Variants in ATL2 observed in about 807,000 individuals in gnomAD.
ATL2 encodes the protein atlastin GTPase 2.
Under a neutral mutation model 73.9 loss-of-function variants are expected in ATL2, and 31 were observed. The ratio of observed to expected loss-of-function variants is 0.42; its 90% CI spans 0.32 to 0.57. The LOEUF is 0.57. ATL2 is among the 20% of genes least tolerant of loss of function. ATL2 has a pLI of 0.14. For synonymous variants in ATL2, 291 were observed against 237.5 expected, an observed-to-expected ratio of 1.23 and a Z score of -2.07; for missense variants, 738 against 702.6, an observed-to-expected ratio of 1.05 and a Z score of -0.57.
intron 1 of ATL2, among the ~76,000 whole-genome samples, chr2:38,347,199 G>C (rs561138263): frequency 6.6e-6 from 1 of 152,304 alleles, no homozygotes; most frequent in South Asian, 2.1e-4. Context: ...GGCTTCTATA[G>C]TCGTATGCGA....
chr2:38,318,753 C>G, intron 3 of ATL2, 114 bp from the exon 4 acceptor site: 3 of 1,317,026 alleles, frequency 2.3e-6, no homozygotes, highest in African/African-American at 1.5e-5. Context: ...GTACTTATAT[C>G]TCATACATTT....
intron 2 of ATL2, among the ~76,000 whole-genome samples, chr2:38,342,990 GT>G (rs1669810775): frequency 6.9e-6 from 1 of 143,982 alleles, no homozygotes; most frequent in Non-Finnish European, 1.5e-5. Context: ...AAAAAAAAAA[GT>G]TTTTTTAAGA....
chr2:38,317,529 A>C (rs550125045), intron 4 of ATL2, among the ~76,000 whole-genome samples: 1 of 152,296 alleles, frequency 6.6e-6, no homozygotes, highest in South Asian at 2.1e-4. Context: ...TCCTAAATGA[A>C]GGTGCTAAAA....
intron 2 of ATL2, among the ~76,000 whole-genome samples, chr2:38,326,599 G>A (rs1337976736): frequency 6.6e-6 from 1 of 152,142 alleles, no homozygotes; most frequent in East Asian, 1.9e-4. Flanking sequence ...TAGCTGCAAA[G>A]TAACACAAAA....
At chr2:38,313,928 A>T (rs1283309553) in intron 6 of ATL2, among the ~76,000 whole-genome samples, 1 of 152,226 alleles carries the variant, frequency 6.6e-6, no homozygotes, top group Non-Finnish European at 1.5e-5. Flanking sequence ...CAAATAGGGT[A>T]TATTTCACCT....
At position 38,343,964 on chromosome 2, in the gene ATL2, G is replaced by A. The variant is rs536196289; in HGVS notation, c.119-452C>T. 4.6e-5 allele frequency among the ~76,000 whole-genome samples: 7 copies of A among 152,272 alleles called. No individual in the cohort carries two copies. In the South Asian group the frequency reaches 6.2e-4, roughly 14 times the overall value. On this transcript the variant is annotated intron_variant, in intron 1 of 12. Coordinates refer to ENST00000378954, the MANE Select transcript of ATL2 (RefSeq NM_001135673.4). ...ATGATTGTGAGACCTCCCCAGCCACGTGAAACTTTGATTCCATTAAACCTC... is the reference window on the plus strand; with the variant it reads ...ATGATTGTGAGACCTCCCCAGCCACATGAAACTTTGATTCCATTAAACCTC...
chr2:38,350,965 T>C (rs992699058), intron 1 of ATL2, among the ~76,000 whole-genome samples: 3 of 152,196 alleles, frequency 2.0e-5, no homozygotes, highest in African/African-American at 7.2e-5. Context: ...CAAATCTTCA[T>C]TATAATAAAA....
chr2:38,341,306 C>T (rs1003453835), intron 2 of ATL2, among the ~76,000 whole-genome samples: 3 of 152,104 alleles, frequency 2.0e-5, no homozygotes, highest in Non-Finnish European at 4.4e-5. Flanking sequence ...TTAAACATTT[C>T]TCTATTTCAG....
intron 2 of ATL2, among the ~76,000 whole-genome samples, chr2:38,334,693 C>T (rs1417670962): frequency 6.6e-5 from 10 of 150,724 alleles, no homozygotes; most frequent in African/African-American, 1.7e-4. Context: ...AACGAAACTC[C>T]GTCTCAAACA....
chr2:38,345,190 T>A (rs1669950947), intron 1 of ATL2, among the ~76,000 whole-genome samples: 1 of 152,158 alleles, frequency 6.6e-6, no homozygotes, highest in African/African-American at 2.4e-5. Flanking sequence ...CTACTAAGTG[T>A]CAGTTTCCAC....
intron 2 of ATL2, among the ~76,000 whole-genome samples, chr2:38,329,871 G>GT (rs1445813116): frequency 6.6e-6 from 1 of 152,174 alleles, no homozygotes; most frequent in South Asian, 2.1e-4. Context: ...GCTCACGCCT[G>GT]TAATCCCAAC....
At chr2:38,350,343 C>T (rs1670266154) in intron 1 of ATL2, among the ~76,000 whole-genome samples, 1 of 152,156 alleles carries the variant, frequency 6.6e-6, no homozygotes, top group African/African-American at 2.4e-5. Context: ...AAACATCTCT[C>T]CACACATTAA....
intron 2 of ATL2, among the ~76,000 whole-genome samples, chr2:38,319,608 A>AC (rs889707378): frequency 1.5e-4 from 22 of 146,808 alleles, no homozygotes; most frequent in Non-Finnish European, 3.1e-4. Context: ...CAAAAACAAA[A>AC]AAAAAAAAGA....
At chr2:38,298,073 A>T in intron 12 of ATL2, 71 bp downstream of exon 12, 1 of 1,430,176 alleles carries the variant, frequency 7.0e-7, no homozygotes, top group Admixed American at 2.1e-5. Flanking sequence ...TCGGAGTACA[A>T]ATACTGCAAA....
intron 2 of ATL2, among the ~76,000 whole-genome samples, chr2:38,338,125 G>A (rs1669480331): frequency 6.6e-6 from 1 of 152,180 alleles, no homozygotes; most frequent in South Asian, 2.1e-4. Flanking sequence ...AAATCATGCA[G>A]CCATAAAAAA....
rs188971625 is a variant in ATL2, at chr2:38,374,373, G to A, written c.118+2770C>T. On this transcript the variant is annotated intron_variant, in intron 1 of 12. Coordinates refer to ENST00000378954, the MANE Select transcript of ATL2 (RefSeq NM_001135673.4). ...AAATAACTCTCAAATTTTCTAGAAAGTAAATAATACACCTGGACTTTGAAA... is the reference window on the plus strand; with the variant it reads ...AAATAACTCTCAAATTTTCTAGAAAATAAATAATACACCTGGACTTTGAAA... 3.9e-5 allele frequency among the ~76,000 whole-genome samples: 6 copies of A among 152,278 alleles called. No homozygotes were observed. The East Asian group carries it at 1.2e-3, about 29-fold the overall frequency.
chr2:38,356,019 C>CT (rs770203875), intron 1 of ATL2, among the ~76,000 whole-genome samples: 13 of 150,966 alleles, frequency 8.6e-5, no homozygotes, highest in Admixed American at 8.6e-4. Context: ...TTTAACAACT[C>CT]TAAGTAATCA....
intron 1 of ATL2, among the ~76,000 whole-genome samples, chr2:38,347,120 C>A (rs1670058516): frequency 6.6e-6 from 1 of 152,166 alleles, no homozygotes; most frequent in Non-Finnish European, 1.5e-5. Flanking sequence ...TGCCAATTTA[C>A]CACTTAGTTT....
At position 38,310,421 on chromosome 2, in the gene ATL2, A is replaced by G; in HGVS notation, c.831T>C (p.Leu277=). The G allele has an allele frequency of 1.2e-6, 2 of 1,605,196 alleles. No individual in the cohort carries two copies. The highest frequency in any genetic ancestry group is 1.7e-6 in the Non-Finnish European group (2 of 1,176,628). The stretch of plus-strand genomic sequence containing the variant: ...TGTGTATGTGCTTCCTTACATTCTG[A>G]AGCTCTTCATGTTGATTTTGTTTTA... ...LQVKQNQHEE[L]QNVRKHIHNC... The change falls in exon 8 of 13, where the codon CTT becomes CTC. Residue 277 remains leucine (L), a synonymous_variant. Coordinates refer to ENST00000378954, the MANE Select transcript of ATL2 (RefSeq NM_001135673.4).
Sources: allele counts gnomAD v4.1 joint callset (sites outside exome capture counted in the v4.1 genomes callset), GRCh38; gene constraint gnomAD v4.1.1; transcripts MANE v1.5; gene names NCBI Gene and HGNC (gene_info 2026-07-23, HGNC 2026-07-21).